Variants in GSE1 observed in about 807,000 individuals in gnomAD.
GSE1 encodes the protein Gse1 coiled-coil protein, also known as genetic suppressor element 1.
A neutral mutation model predicts 112.6 loss-of-function variants in GSE1; 32 were observed. The observed-to-expected ratio is 0.28, with a 90% CI of 0.21 to 0.38. The LOEUF (loss-of-function observed/expected upper bound fraction) is 0.38, where lower values mean the gene tolerates loss of function less well. Ranked by LOEUF, GSE1 falls within the 10% of genes least tolerant of loss-of-function variation. The probability of loss-of-function intolerance (pLI) is 1.00; values close to 1 mark genes in which losing one functional copy is unlikely to be tolerated. For synonymous variants in GSE1, 1,115 were observed against 735.6 expected (o/e 1.52, Z -8.35); for missense variants, 2,348 against 1,699.2 (o/e 1.38, Z -6.71).
At chr16:85,639,668 G>A (rs1447779913) in intron 2 of GSE1, among the ~76,000 whole-genome samples, 1 of 152,244 alleles carries the variant, frequency 6.6e-6, no homozygotes, top group Non-Finnish European at 1.5e-5. Flanking sequence ...CACCCTGAAG[G>A]CAGCCCTGAG....
intron 1 of GSE1, among the ~76,000 whole-genome samples, chr16:85,323,546 G>A (rs1165915640): frequency 6.6e-6 from 1 of 152,174 alleles, no homozygotes; most frequent in African/African-American, 2.4e-5. Context: ...GCACAGCCTG[G>A]TAGCTCGCGG....
rs759633198 is a variant in GSE1 at position 85,648,643 on chromosome 16, C to T, written c.318C>T (p.Gly106=). 1.7e-5 allele frequency: 27 copies of T among 1,601,086 alleles called. No individual in the cohort carries two copies. In the East Asian group the frequency reaches 3.6e-4, roughly 21 times the overall value. Residue 106 remains glycine, a synonymous_variant, in exon 3 of 16, where the codon GGC becomes GGT. Coordinates refer to ENST00000253458, the MANE Select transcript of GSE1 (RefSeq NM_014615.5). ...PASTPKRVPM[G]PIIVPPGGHS... ...GCACACCCAAGCGCGTGCCCATGGGCCCTATCATCGTCCCCCCTGGGGGCC... is the reference window on the plus strand; with the variant it reads ...GCACACCCAAGCGCGTGCCCATGGGTCCTATCATCGTCCCCCCTGGGGGCC...
chr16:85,437,072 G>T (rs932717902), intron 2 of GSE1, among the ~76,000 whole-genome samples: 2 of 152,246 alleles, frequency 1.3e-5, no homozygotes, highest in Non-Finnish European at 2.9e-5. Context: ...CATGGGCGCA[G>T]CCGGCCGGTC....
chr16:85,216,664 C>T (rs1163024127), intron 1 of GSE1, among the ~76,000 whole-genome samples: 2 of 152,180 alleles, frequency 1.3e-5, no homozygotes, highest in Non-Finnish European at 2.9e-5. Context: ...AAGCTGTTTT[C>T]CCACAGACAC....
Position 85,633,937 on chromosome 16 carries a change from C to G in GSE1, c.31C>G (p.Pro11Ala), listed in dbSNP as rs143102373. Residue 11 changes from proline (P) to alanine (A), a missense_variant, in exon 2 of 16, where the codon CCT (proline) becomes GCT (alanine). Transcript: ENST00000253458. MKGMSHEPKS[P>A]SLGMLSTATR... is the part of the protein sequence containing the mutation. ...AGGCATGAGCCATGAGCCCAAGTCCCCTTCGCTAGGGATGCTTTCCACCGC... is the reference window on the plus strand; with the variant it reads ...AGGCATGAGCCATGAGCCCAAGTCCGCTTCGCTAGGGATGCTTTCCACCGC... The G allele has an allele frequency of 1.2e-6, 2 of 1,612,062 alleles. No homozygotes were observed. Among genetic ancestry groups the G allele is most frequent in the African/African-American group, 2.7e-5 (2 of 74,852 alleles).
chr16:85,448,995 G>A (rs2049591997), intron 2 of GSE1, among the ~76,000 whole-genome samples: 3 of 152,140 alleles, frequency 2.0e-5, no homozygotes, highest in South Asian at 4.1e-4. Context: ...GCCCTCACTC[G>A]CCTGAGCAGG....
chr16:85,232,403 A>C (rs1342756049), intron 1 of GSE1, among the ~76,000 whole-genome samples: 1 of 152,196 alleles, frequency 6.6e-6, no homozygotes, highest in Non-Finnish European at 1.5e-5. Flanking sequence ...AGGAGGACTC[A>C]GGCTCTGACA....
intron 1 of GSE1, among the ~76,000 whole-genome samples, chr16:85,331,578 C>CGTGTGTAT: frequency 9.1e-5 from 1 of 10,984 alleles, no homozygotes; most frequent in South Asian, 4.2e-3. Context: ...TATATGTGTA[C>CGTGTGTAT]ATGTGTATAT....
At chr16:85,540,548 G>A (rs2044483416) in intron 2 of GSE1, among the ~76,000 whole-genome samples, 1 of 152,246 alleles carries the variant, frequency 6.6e-6, no homozygotes, top group Non-Finnish European at 1.5e-5. Flanking sequence ...TGTGGCCTCT[G>A]AGCTAGGTCA....
chr16:85,569,075 C>G (rs2045876024), intron 1 of GSE1, among the ~76,000 whole-genome samples: 1 of 152,218 alleles, frequency 6.6e-6, no homozygotes, highest in Non-Finnish European at 1.5e-5. Context: ...AAATTCAAGC[C>G]TTCTTGAAAT....
chr16:85,500,630 G>A (rs1220626806), intron 2 of GSE1, among the ~76,000 whole-genome samples: 3 of 152,198 alleles, frequency 2.0e-5, no homozygotes, highest in South Asian at 2.1e-4. Flanking sequence ...TCGGCCAGCC[G>A]CTCTGCTCTG....
intron 2 of GSE1, among the ~76,000 whole-genome samples, chr16:85,550,222 G>A (rs965801820): frequency 2.0e-5 from 3 of 152,150 alleles, no homozygotes; most frequent in African/African-American, 4.8e-5. Context: ...AACCTTTGCC[G>A]ATGGTAATGA....
At chr16:85,182,507 C>A (rs755159812) in intron 1 of GSE1, among the ~76,000 whole-genome samples, 1 of 152,210 alleles carries the variant, frequency 6.6e-6, no homozygotes, top group Non-Finnish European at 1.5e-5. Context: ...CCGGAAACTG[C>A]GTTTTCTTCC....
At chr16:85,664,787 C>T (rs2052703186) in intron 11 of GSE1, 2 of 494,992 alleles carry the variant, frequency 4.0e-6, no homozygotes, top group Non-Finnish European at 7.2e-6. Context: ...GCACGGACAG[C>T]TGTCTTTGGA....
At chr16:85,413,305 G>A (rs900022874) in intron 2 of GSE1, among the ~76,000 whole-genome samples, 9 of 152,168 alleles carry the variant, frequency 5.9e-5, no homozygotes, top group Non-Finnish European at 1.2e-4. Flanking sequence ...CAAGAGCTGA[G>A]TAGCTTTGGC....
chr16:85,662,934 C>A, intron 9 of GSE1, 47 bp from the exon 10 acceptor site: 2 of 1,315,886 alleles, frequency 1.5e-6, no homozygotes, highest in African/African-American at 1.5e-5. Flanking sequence ...GTCCACTGGA[C>A]AGATGAAGGC....
chr16:85,436,182 T>C (rs1332212250), intron 2 of GSE1, among the ~76,000 whole-genome samples: 4 of 152,194 alleles, frequency 2.6e-5, no homozygotes, highest in African/African-American at 9.7e-5. Flanking sequence ...CTTCCTGTTC[T>C]CTCCTCCAAA....
chr16:85,652,938 C>T (rs182479255), intron 3 of GSE1, among the ~76,000 whole-genome samples: 145 of 151,980 alleles, frequency 9.5e-4, no homozygotes, highest in Admixed American at 5.2e-3. Context: ...CGTTACCTGA[C>T]ATGGCCAGAT....
chr16:85,462,488 T>C (rs1337296748), intron 2 of GSE1, among the ~76,000 whole-genome samples: 1 of 151,682 alleles, frequency 6.6e-6, no homozygotes, highest in Non-Finnish European at 1.5e-5. Context: ...GCCCCAGCCC[T>C]GGGGATGGAG....
Sources: allele counts gnomAD v4.1 joint callset (sites outside exome capture counted in the v4.1 genomes callset), GRCh38; gene constraint gnomAD v4.1.1; transcripts MANE v1.5; gene names NCBI Gene and HGNC (gene_info 2026-07-23, HGNC 2026-07-21).